The following RNF180 variants were observed in gnomAD, a reference collection of about 807,000 sequenced individuals.
RNF180 encodes the protein E3 ubiquitin-protein ligase RNF180.
RNF180 carries 38 observed loss-of-function variants against 59.2 expected under a neutral mutation model. The observed-to-expected ratio is 0.64, with a 90% CI of 0.50 to 0.84. The LOEUF is 0.84. RNF180 is among the 40% of genes least tolerant of loss of function. The probability of loss-of-function intolerance (pLI) is 0.00; values close to 1 mark genes in which losing one functional copy is unlikely to be tolerated. For synonymous variants in RNF180, 262 were observed against 240.3 expected (o/e 1.09, Z -0.84); for missense variants, 705 against 700.9 (o/e 1.01, Z -0.07).
chr5:64,293,182 A>G (rs1264388559), intron 5 of RNF180, among the ~76,000 whole-genome samples: 1 of 152,190 alleles, frequency 6.6e-6, no homozygotes, highest in Non-Finnish European at 1.5e-5. Flanking sequence ...GTGGGTTCAC[A>G]CAATCACTCA....
chr5:64,365,362 A>G (rs984644526), intron 7 of RNF180, among the ~76,000 whole-genome samples: 6 of 151,600 alleles, frequency 4.0e-5, no homozygotes, highest in Non-Finnish European at 7.4e-5. Context: ...ACTGTGGTCC[A>G]GGGGTGTGGA....
intron 1 of RNF180, among the ~76,000 whole-genome samples, chr5:64,171,643 A>G (rs554278424): frequency 4.8e-4 from 73 of 152,304 alleles, no homozygotes; most frequent in Non-Finnish European, 9.1e-4. Context: ...TTTTCCCACC[A>G]CAACTTTTTG....
intron 1 of RNF180, among the ~76,000 whole-genome samples, chr5:64,174,555 A>G (rs146654929): frequency 0.015 from 2,229 of 152,182 alleles, 29 homozygotes; most frequent in Middle Eastern, 0.037. Flanking sequence ...TATATTTACC[A>G]AACAGTTAGT....
At chr5:64,222,044 T>C (rs1741367776) in intron 5 of RNF180, among the ~76,000 whole-genome samples, 1 of 152,230 alleles carries the variant, frequency 6.6e-6, no homozygotes, top group South Asian at 2.1e-4. Context: ...TTAGTTGTCA[T>C]GTCTCATTAG....
chr5:64,325,461 T>C, intron 6 of RNF180, 50 bp downstream of exon 6: 2 of 1,241,668 alleles, frequency 1.6e-6, no homozygotes, highest in Non-Finnish European at 2.3e-6. Context: ...CTACCTCTTA[T>C]AGTTCTAAAG....
chr5:64,321,300 A>G (rs1307158805), intron 5 of RNF180, among the ~76,000 whole-genome samples: 1 of 152,162 alleles, frequency 6.6e-6, no homozygotes, highest in Non-Finnish European at 1.5e-5. Context: ...AAACCTCCTT[A>G]AGCTGATAAG....
intron 7 of RNF180, among the ~76,000 whole-genome samples, chr5:64,355,455 A>G (rs1159343844): frequency 6.6e-6 from 1 of 151,998 alleles, no homozygotes; most frequent in Non-Finnish European, 1.5e-5. Context: ...GATGCATTAG[A>G]AGATTTAATA....
intron 1 of RNF180, among the ~76,000 whole-genome samples, chr5:64,169,206 A>G (rs1749809586): frequency 6.6e-6 from 1 of 152,226 alleles, no homozygotes; most frequent in Admixed American, 6.5e-5. Context: ...CTTCGGGCCT[A>G]GTGGAGGAGC....
At chr5:64,338,242 T>C (rs1029057761) in intron 7 of RNF180, among the ~76,000 whole-genome samples, 2 of 152,242 alleles carry the variant, frequency 1.3e-5, no homozygotes, top group African/African-American at 4.8e-5. Flanking sequence ...TTCAATTTAA[T>C]GCATATGCTT....
intron 5 of RNF180, among the ~76,000 whole-genome samples, chr5:64,236,414 A>C (rs1742443655): frequency 6.6e-6 from 1 of 152,184 alleles, no homozygotes; most frequent in Non-Finnish European, 1.5e-5. Flanking sequence ...TTTATTCTGA[A>C]AGTGTTCAGT....
intron 1 of RNF180, among the ~76,000 whole-genome samples, chr5:64,183,866 C>G (rs1024574482): frequency 2.7e-4 from 41 of 152,194 alleles, no homozygotes; most frequent in Non-Finnish European, 1.3e-4. Context: ...TCTAAAACAT[C>G]AGTCTCTATA....
chr5:64,185,744 C>T (rs1750837381), intron 1 of RNF180, among the ~76,000 whole-genome samples: 1 of 152,182 alleles, frequency 6.6e-6, no homozygotes, highest in African/African-American at 2.4e-5. Context: ...ACTACAAAAA[C>T]TTGAGCTACT....
chr5:64,309,041 A>G (rs1175329677), intron 5 of RNF180, among the ~76,000 whole-genome samples: 1 of 151,624 alleles, frequency 6.6e-6, no homozygotes, highest in Non-Finnish European at 1.5e-5. Context: ...CCTAATCCAG[A>G]TGCCAATCTC....
chr5:64,350,723 G>T (rs1406994933), intron 7 of RNF180, among the ~76,000 whole-genome samples: 2 of 152,000 alleles, frequency 1.3e-5, no homozygotes, highest in African/African-American at 4.8e-5. Context: ...GGTTGTAGAT[G>T]TGTGGTATTA....
chr5:64,177,468 T>C (rs1750297505), intron 1 of RNF180, among the ~76,000 whole-genome samples: 1 of 149,952 alleles, frequency 6.7e-6, no homozygotes, highest in Non-Finnish European at 1.5e-5. Context: ...ATTATTTTAC[T>C]TATTTTGGCC....
At chr5:64,246,303 T>G (rs1445718053) in intron 5 of RNF180, among the ~76,000 whole-genome samples, 1 of 151,942 alleles carries the variant, frequency 6.6e-6, no homozygotes. Context: ...GAAAAACCCT[T>G]CAAGAAATCA....
intron 7 of RNF180, among the ~76,000 whole-genome samples, chr5:64,350,837 T>C (rs1745772635): frequency 6.6e-6 from 1 of 152,148 alleles, no homozygotes; most frequent in Admixed American, 6.6e-5. Flanking sequence ...TGAAGTCAGG[T>C]AGCATGATGC....
chr5:64,193,070 T>C (rs1751265243), intron 1 of RNF180, among the ~76,000 whole-genome samples: 1 of 151,524 alleles, frequency 6.6e-6, no homozygotes, highest in African/African-American at 2.4e-5. Context: ...TTATATGAGG[T>C]TATCTAAGAT....
chr5:64,335,286 G>A (rs1745074232), intron 7 of RNF180, among the ~76,000 whole-genome samples: 1 of 151,998 alleles, frequency 6.6e-6, no homozygotes, highest in Non-Finnish European at 1.5e-5. Context: ...CTCCCAGTCT[G>A]TGGGTTCTTT....
Sources: allele counts gnomAD v4.1 joint callset (sites outside exome capture counted in the v4.1 genomes callset), GRCh38; gene constraint gnomAD v4.1.1; transcripts MANE v1.5; gene names NCBI Gene and HGNC (gene_info 2026-07-23, HGNC 2026-07-21).